EDIL3: variants seen among roughly 807,000 people sequenced by gnomAD.
EDIL3 encodes the protein EGF-like repeat and discoidin I-like domain-containing protein 3.
In EDIL3, 37 loss-of-function variants were observed where a neutral mutation model predicts 67.4. That is an observed-to-expected ratio of 0.55 (90% CI 0.42 to 0.72). The LOEUF (loss-of-function observed/expected upper bound fraction) is 0.72. Ranked by LOEUF, EDIL3 falls within the 30% of genes least tolerant of loss-of-function variation. The pLI is 0.00. For synonymous variants in EDIL3, 195 were observed against 196.3 expected (o/e 0.99, Z 0.05); for missense variants, 527 against 586.3 (o/e 0.90, Z 1.04).
intron 4 of EDIL3, among the ~76,000 whole-genome samples, chr5:84,149,322 C>A (rs964858028): frequency 4.6e-5 from 7 of 151,940 alleles, no homozygotes; most frequent in African/African-American, 1.7e-4. Context: ...CTGAATAGAC[C>A]AGAGGGAGCA....
At chr5:84,245,689 T>C (rs1744895103) in intron 2 of EDIL3, among the ~76,000 whole-genome samples, 1 of 152,214 alleles carries the variant, frequency 6.6e-6, no homozygotes, top group South Asian at 2.1e-4. Flanking sequence ...TATAGATTGC[T>C]TTTCCATGAA....
intron 4 of EDIL3, among the ~76,000 whole-genome samples, chr5:84,176,074 T>C (rs1202728418): frequency 2.0e-5 from 3 of 150,932 alleles, no homozygotes; most frequent in African/African-American, 7.3e-5. Context: ...TAGGACTGCA[T>C]TAATCACTAA....
In EDIL3 at chr5:83,942,543, G is replaced by A. The variant is rs1744243036; in HGVS notation, c.*876C>T. ...CTAAATGAAGATTTAAATTTAAAGA[G>A]ACATATATATTTTTTGTTCTTTTGT... On this transcript the variant is annotated 3_prime_UTR_variant, in exon 11 of 11. Transcript: ENST00000296591. The A allele has an allele frequency of 6.6e-6, 1 of 151,894 alleles. No individual in the cohort carries two copies. Among genetic ancestry groups the A allele is most frequent in the Non-Finnish European group, 1.5e-5 (1 of 67,922 alleles). 9.4% of individuals were successfully genotyped at this position (151,894 alleles called of 1,614,324 possible).
intron 1 of EDIL3, among the ~76,000 whole-genome samples, chr5:84,321,165 A>AT (rs1416610162): frequency 2.0e-5 from 3 of 151,812 alleles, no homozygotes; most frequent in East Asian, 3.9e-4. Context: ...TCCTAACATT[A>AT]TTTTTTTTCT....
chr5:84,219,421 C>T (rs1353305413), intron 3 of EDIL3, among the ~76,000 whole-genome samples: 1 of 152,018 alleles, frequency 6.6e-6, no homozygotes, highest in African/African-American at 2.4e-5. Context: ...CAGAGAAATG[C>T]AAATCAAAAT....
intron 4 of EDIL3, among the ~76,000 whole-genome samples, chr5:84,145,619 T>C (rs1748278718): frequency 6.6e-6 from 1 of 152,124 alleles, no homozygotes. Flanking sequence ...GAAATTTATG[T>C]TGAGTCCATA....
chr5:84,087,220 T>C (rs189351648), intron 6 of EDIL3, among the ~76,000 whole-genome samples: 26 of 152,360 alleles, frequency 1.7e-4, no homozygotes, highest in Non-Finnish European at 2.9e-4. Context: ...AATCACTGGC[T>C]TTATGGCCAA....
intron 1 of EDIL3, among the ~76,000 whole-genome samples, chr5:84,306,938 C>A (rs534538564): frequency 1.3e-5 from 2 of 152,186 alleles, no homozygotes; most frequent in African/African-American, 4.8e-5. Flanking sequence ...TCACACAATA[C>A]TTGATACACA....
At chr5:84,091,372 C>A (rs746607704) in intron 6 of EDIL3, among the ~76,000 whole-genome samples, 1 of 152,128 alleles carries the variant, frequency 6.6e-6, no homozygotes, top group African/African-American at 2.4e-5. Flanking sequence ...CATAACACTA[C>A]GGACAATGAA....
chr5:84,210,256 A>T (rs1744090563), intron 3 of EDIL3, among the ~76,000 whole-genome samples: 1 of 152,154 alleles, frequency 6.6e-6, no homozygotes, highest in Admixed American at 6.5e-5. Flanking sequence ...TCAGCTAATA[A>T]CTGATAATAC....
chr5:84,041,596 A>G (rs1746124554), intron 9 of EDIL3, among the ~76,000 whole-genome samples: 1 of 148,056 alleles, frequency 6.8e-6, no homozygotes, highest in Non-Finnish European at 1.5e-5. Flanking sequence ...ATATATGTAT[A>G]TATGTATATA....
chr5:83,956,914 CTTA>C (rs1330195382), intron 10 of EDIL3, among the ~76,000 whole-genome samples: 10 of 151,558 alleles, frequency 6.6e-5, no homozygotes, highest in Non-Finnish European at 1.3e-4. Flanking sequence ...TAACAATGTT[CTTA>C]TTTTTAGACG....
At chr5:84,104,799 A>G (rs1747428912) in intron 6 of EDIL3, among the ~76,000 whole-genome samples, 1 of 152,086 alleles carries the variant, frequency 6.6e-6, no homozygotes, top group Non-Finnish European at 1.5e-5. Context: ...TTTGAAAGGA[A>G]GAATGATGCA....
At chr5:84,097,867 T>C (rs975696982) in intron 6 of EDIL3, among the ~76,000 whole-genome samples, 2 of 151,850 alleles carry the variant, frequency 1.3e-5, no homozygotes, top group Non-Finnish European at 2.9e-5. Flanking sequence ...AAATAAGAAA[T>C]AGTTATACTG....
chr5:84,077,999 A>G (rs1240062606), intron 6 of EDIL3, among the ~76,000 whole-genome samples: 1 of 152,146 alleles, frequency 6.6e-6, no homozygotes, highest in South Asian at 2.1e-4. Flanking sequence ...AGATACAACA[A>G]TTTACAGCCA....
chr5:83,968,455 T>C (rs778374969), intron 9 of EDIL3, among the ~76,000 whole-genome samples: 4 of 152,062 alleles, frequency 2.6e-5, no homozygotes, highest in Admixed American at 6.6e-5. Flanking sequence ...AACCAAAAAC[T>C]CATACCATGA....
chr5:83,943,314 A>AG lies in EDIL3; in HGVS notation c.*104_*105insC. ...ACCATAATTTGAGCACTTTTTCATG[A>AG]AAAAAAAAAAAAAACCATTCAGTTT... is the stretch of plus-strand genomic sequence containing the variant. On this transcript the variant is annotated 3_prime_UTR_variant, in exon 11 of 11. Transcript: ENST00000296591. The AG allele has an allele frequency of 1.6e-4, 38 of 241,880 alleles. No homozygotes were observed. Among genetic ancestry groups the AG allele is most frequent in the Non-Finnish European group, 2.3e-4 (37 of 163,190 alleles). 15.0% of individuals were successfully genotyped at this position (241,880 alleles called of 1,614,324 possible). A position where few individuals can be genotyped will look rare whatever the true frequency, so the allele number is the denominator to read the frequency against.
chr5:84,131,146 T>A (rs1425360760), intron 5 of EDIL3, among the ~76,000 whole-genome samples: 2 of 152,182 alleles, frequency 1.3e-5, no homozygotes, highest in Non-Finnish European at 2.9e-5. Flanking sequence ...TATATATTTA[T>A]GCAATTATTT....
intron 3 of EDIL3, among the ~76,000 whole-genome samples, chr5:84,223,733 G>A (rs12697732): frequency 0.66 from 99,816 of 151,114 alleles, 33,661 homozygotes; most frequent in East Asian, 0.84. Context: ...ATTGTATTAC[G>A]TAATAGAAAT....
Sources: gnomAD v4.1 joint callset for allele counts (sites outside exome capture counted in the v4.1 genomes callset) on GRCh38, gnomAD v4.1.1 for gene constraint, MANE v1.5 for transcripts, NCBI Gene and HGNC (gene_info 2026-07-23, HGNC 2026-07-21) for gene names.